Variants in SLC45A3 observed in about 807,000 individuals in gnomAD.
SLC45A3 encodes solute carrier family 45 member 3, also known as prostate cancer associated protein 2.
Under a neutral mutation model 35.3 loss-of-function variants are expected in SLC45A3, and 17 were observed. That is an observed-to-expected ratio of 0.48 (90% CI 0.33 to 0.72). SLC45A3 has a LOEUF of 0.72. Among genes scored for constraint, SLC45A3 ranks in the 30% least tolerant of loss-of-function variants. The pLI is 0.02. For missense variants in SLC45A3, 597 were observed against 731.7 expected (o/e 0.82, Z 2.12); for synonymous variants, 288 against 334.3 (o/e 0.86, Z 1.51).
In SLC45A3 at chr1:205,664,349, T is replaced by C; in HGVS notation, c.172+136A>G. On this transcript the variant is annotated intron_variant, in intron 2 of 4. Transcript: ENST00000367145. The surrounding 1 kb of genome is among the most constrained non-coding windows in gnomAD (Gnocchi z 5.3). Reference sequence around the variant, plus strand: ...CTTGGTGTGCCCCCTCAGCCCAGGGTCACCCTCCTGCCCAGCAATGCCTTC... The same window carrying C: ...CTTGGTGTGCCCCCTCAGCCCAGGGCCACCCTCCTGCCCAGCAATGCCTTC... 8.6e-7 allele frequency: 1 copy of C among 1,169,178 alleles called. No homozygotes were observed. Among genetic ancestry groups the C allele is most frequent in the Admixed American group, 2.2e-5 (1 of 45,720 alleles). The allele number at this position is 1,169,178 out of a possible 1,614,324, so 72.4% of individuals were successfully genotyped here. A position where few individuals can be genotyped will look rare whatever the true frequency, so the allele number is the denominator to read the frequency against.
chr1:205,674,872 C>T (rs537566377), intron 1 of SLC45A3, among the ~76,000 whole-genome samples: 6 of 152,062 alleles, frequency 3.9e-5, no homozygotes, highest in African/African-American at 7.2e-5. Context: ...TGTGTCACCA[C>T]GCCAGGCTAA....
intron 1 of SLC45A3, among the ~76,000 whole-genome samples, chr1:205,677,747 G>A (rs1571545739): frequency 3.3e-5 from 5 of 152,256 alleles, no homozygotes; most frequent in Admixed American, 3.3e-4. Context: ...CCAAATGATC[G>A]ATACAATATA....
chr1:205,666,660 C>T lies in SLC45A3; in HGVS notation c.-230-1774G>A, dbSNP rs1290747258. Among the ~76,000 whole-genome samples, 1 of 152,248 alleles carries T rather than the reference C, an allele frequency of 6.6e-6. No homozygotes were observed. The highest frequency in any genetic ancestry group is 1.5e-5 in the Non-Finnish European group (1 of 68,044). ...CCCCTAAATCCTGCTCAGACTCACCCTTTGGGATGGGGCACACGGCCTCCT... is the reference window on the plus strand; with the variant it reads ...CCCCTAAATCCTGCTCAGACTCACCTTTTGGGATGGGGCACACGGCCTCCT... On this transcript the variant is annotated intron_variant, in intron 1 of 4. Coordinates refer to ENST00000367145, the MANE Select transcript of SLC45A3 (RefSeq NM_033102.3). The surrounding 1 kb of genome is among the most constrained non-coding windows in gnomAD (Gnocchi z 4.1).
In SLC45A3 at chr1:205,662,012, C is replaced by T. The variant is rs746989942; in HGVS notation, c.1073G>A (p.Ser358Asn). 3 of 1,614,082 alleles carry T rather than the reference C, an allele frequency of 1.9e-6. No homozygotes were observed. Among genetic ancestry groups the T allele is most frequent in the East Asian group, 4.5e-5 (2 of 44,898 alleles). ...RFGTRAVYLA[S>N]VAAFPVAAGA... ...GGCAGCCACAGGGAAAGCTGCCACACTGGCCAAATAGACTGCTCGAGTGCC... is the reference window on the plus strand; with the variant it reads ...GGCAGCCACAGGGAAAGCTGCCACATTGGCCAAATAGACTGCTCGAGTGCC... The change falls in exon 4 of 5, where the codon AGT becomes AAT. Residue 358 changes from serine (S) to asparagine (N), a missense_variant. Ser to Asn is a conservative substitution (Grantham distance 46). This residue lies in a region of SLC45A3 where 555 missense variants were observed against 664.9 expected (regional missense o/e 0.83). Transcript: ENST00000367145. The surrounding 1 kb of genome is among the most constrained non-coding windows in gnomAD (Gnocchi z 6.2).
At chr1:205,677,746 C>G (rs1194580601) in intron 1 of SLC45A3, among the ~76,000 whole-genome samples, 1 of 152,014 alleles carries the variant, frequency 6.6e-6, no homozygotes, top group African/African-American at 2.4e-5. Context: ...CCCAAATGAT[C>G]GATACAATAT....
intron 1 of SLC45A3, among the ~76,000 whole-genome samples, chr1:205,676,887 G>A (rs1465568669): frequency 6.6e-6 from 1 of 152,110 alleles, no homozygotes; most frequent in East Asian, 1.9e-4. Flanking sequence ...ACTGGGCCTG[G>A]TACCAGCTGG....
Position 205,659,080 on chromosome 1 carries a change from A to G in SLC45A3, c.*154T>C. 2.7e-6 allele frequency: 2 copies of G among 748,256 alleles called. No individual in the cohort carries two copies. Among genetic ancestry groups the G allele is most frequent in the Non-Finnish European group, 4.3e-6 (2 of 467,734 alleles). 46.4% of individuals were successfully genotyped at this position (748,256 alleles called of 1,614,324 possible). A position where few individuals can be genotyped will look rare whatever the true frequency, so the allele number is the denominator to read the frequency against. On this transcript the variant is annotated 3_prime_UTR_variant, in exon 5 of 5. Transcript: ENST00000367145. This position sits in a 1 kb window ranked among gnomAD's most constrained non-coding sequence, Gnocchi z 5.8. Reference sequence around the variant, plus strand: ...CGCCCCAGCCCCCAGCTGTGCAGCTACGCACCTCAGCAGCACAGGGTGGCA... The same window carrying G: ...CGCCCCAGCCCCCAGCTGTGCAGCTGCGCACCTCAGCAGCACAGGGTGGCA...
At position 205,663,145 on chromosome 1, in the gene SLC45A3, G is replaced by T; in HGVS notation, c.646C>A (p.Leu216Met). The T allele has an allele frequency of 4.3e-6, 7 of 1,612,018 alleles. No individual in the cohort carries two copies. The highest frequency in any genetic ancestry group is 5.9e-6 in the Non-Finnish European group (7 of 1,179,322). Residue 216 changes from leucine (L) to methionine (M), a missense_variant, in exon 3 of 5, where the codon CTG becomes ATG. Around this residue, in one of 3 missense-constraint regions of SLC45A3, gnomAD observed 555 missense variants for 664.9 expected, o/e 0.83. Transcript: ENST00000367145. ...CCCAGCGCTGCCTCCTCAGCCACCA[G>T]CAGTGTGGCTGCTACGCAGGTGAGG... ...IFLTCVAATL[L>M]VAEEAALGPT...
Position 205,659,484 on chromosome 1 carries a change from C to G in SLC45A3, c.1412G>C (p.Arg471Pro), listed in dbSNP as rs765881137. The change falls in exon 5 of 5, where the codon CGT becomes CCT. Residue 471 changes from arginine (R) to proline (P), a missense_variant. By Grantham distance (103) the Arg-to-Pro change is moderately radical. Coordinates refer to ENST00000367145, the MANE Select transcript of SLC45A3 (RefSeq NM_033102.3). The surrounding 1 kb of genome is among the most constrained non-coding windows in gnomAD (Gnocchi z 5.8). ...CGASACDVSV[R>P]VVVGEPTEAR... ...CTCGGTGGGCTCACCCACCACCACACGTACGGAGACATCACAGGCAGAGGC... is the reference window on the plus strand; with the variant it reads ...CTCGGTGGGCTCACCCACCACCACAGGTACGGAGACATCACAGGCAGAGGC... 1 of 1,613,894 alleles carries G rather than the reference C, an allele frequency of 6.2e-7. No homozygotes were observed. The highest frequency in any genetic ancestry group is 1.1e-5 in the South Asian group (1 of 91,062).
intron 1 of SLC45A3, among the ~76,000 whole-genome samples, chr1:205,673,397 G>A (rs1469603950): frequency 6.6e-6 from 1 of 152,186 alleles, no homozygotes; most frequent in African/African-American, 2.4e-5. Flanking sequence ...TACAGCCACT[G>A]AAAAGAGAAG....
In SLC45A3 at chr1:205,662,086, G is replaced by A; in HGVS notation, c.999C>T (p.Ala333=). ...MGSLGLFLQC[A]ISLVFSLVMD... is the part of the protein sequence containing the mutation. ...TGACCAGAGAGAAGACCAGGGAGAT[G>A]GCGCACTGCAGGAACAGCCCCAGGC... Residue 333 remains alanine, a synonymous_variant, in exon 4 of 5, where the codon GCC becomes GCT. Coordinates refer to ENST00000367145, the MANE Select transcript of SLC45A3 (RefSeq NM_033102.3). The surrounding 1 kb of genome is among the most constrained non-coding windows in gnomAD (Gnocchi z 6.2). The A allele has an allele frequency of 6.2e-7, 1 of 1,614,050 alleles. No homozygotes were observed. The highest frequency in any genetic ancestry group is 8.5e-7 in the Non-Finnish European group (1 of 1,180,000).
At position 205,658,426 on chromosome 1, in the gene SLC45A3, G is replaced by T. The variant is rs1325287759; in HGVS notation, c.*808C>A. 4.3e-6 allele frequency: 1 copy of T among 233,068 alleles called. No individual in the cohort carries two copies. The highest frequency in any genetic ancestry group is 6.0e-5 in the East Asian group (1 of 16,600). The allele number at this position is 233,068 out of a possible 1,614,324, so 14.4% of individuals were successfully genotyped here. A position where few individuals can be genotyped will look rare whatever the true frequency, so the allele number is the denominator to read the frequency against. On this transcript the variant is annotated 3_prime_UTR_variant, in exon 5 of 5. Coordinates refer to ENST00000367145, the MANE Select transcript of SLC45A3 (RefSeq NM_033102.3). ...CATTTTGGGGGGCCAGACCCCAGGAGAAGAAGATTCTGGCAATGATCAGCC... is the reference window on the plus strand; with the variant it reads ...CATTTTGGGGGGCCAGACCCCAGGATAAGAAGATTCTGGCAATGATCAGCC...
Position 205,659,058 on chromosome 1 carries a change from C to T in SLC45A3, c.*176G>A. 1.5e-6 allele frequency: 1 copy of T among 665,694 alleles called. No individual in the cohort carries two copies. The highest frequency in any genetic ancestry group is 2.5e-6 in the Non-Finnish European group (1 of 398,064). 41.2% of individuals were successfully genotyped at this position (665,694 alleles called of 1,614,324 possible). ...GACTGGGGAGAGAGGAGAGGGACGC[C>T]CCAGCCCCCAGCTGTGCAGCTACGC... On this transcript the variant is annotated 3_prime_UTR_variant, in exon 5 of 5. Transcript: ENST00000367145. The surrounding 1 kb of genome is among the most constrained non-coding windows in gnomAD (Gnocchi z 5.8).
chr1:205,677,778 T>G (rs1477121061), intron 1 of SLC45A3, among the ~76,000 whole-genome samples: 1 of 152,254 alleles, frequency 6.6e-6, no homozygotes, highest in East Asian at 1.9e-4. Context: ...TAACATTTAT[T>G]GAGCACTTAT....
At chr1:205,678,838 C>A (rs1380272519) in intron 1 of SLC45A3, among the ~76,000 whole-genome samples, 1 of 152,172 alleles carries the variant, frequency 6.6e-6, no homozygotes, top group Non-Finnish European at 1.5e-5. Context: ...TGGGACTGAT[C>A]CAACAGAATG....
chr1:205,659,394 A>T lies in SLC45A3; in HGVS notation c.1502T>A (p.Leu501Gln), dbSNP rs1670977659. Residue 501 changes from leucine to glutamine, a missense_variant, in exon 5 of 5, where the codon CTG becomes CAG. By Grantham distance (113) the Leu-to-Gln change is moderately radical. Transcript: ENST00000367145. This position sits in a 1 kb window ranked among gnomAD's most constrained non-coding sequence, Gnocchi z 5.8. Reference protein sequence around the residue: ...DLAILDSAFLLSQVAPSLFMG... With the variant: ...DLAILDSAFLQSQVAPSLFMG... ...AAACAGGGATGGGGCCACCTGGGAC[A>T]GCAGGAAGGCACTATCCAGGATGGC... The T allele has an allele frequency of 6.2e-7, 1 of 1,614,096 alleles. No individual in the cohort carries two copies. Among genetic ancestry groups the T allele is most frequent in the East Asian group, 2.2e-5 (1 of 44,898 alleles).
intron 1 of SLC45A3, among the ~76,000 whole-genome samples, chr1:205,668,990 C>T (rs1276859255): frequency 6.6e-6 from 1 of 152,190 alleles, no homozygotes; most frequent in African/African-American, 2.4e-5. Context: ...ATACATGCCC[C>T]TATGCATCCC....
intron 1 of SLC45A3, among the ~76,000 whole-genome samples, chr1:205,670,070 C>A (rs1377432980): frequency 6.6e-6 from 1 of 151,920 alleles, no homozygotes; most frequent in Non-Finnish European, 1.5e-5. Context: ...GTCACCTTAC[C>A]TAATGAAACC....
At position 205,662,681 on chromosome 1, in the gene SLC45A3, T is replaced by C. The variant is rs188384710; in HGVS notation, c.958+152A>G. The C allele has an allele frequency of 1.4e-6, 2 of 1,420,986 alleles. No homozygotes were observed. The highest frequency in any genetic ancestry group is 2.5e-5 in the East Asian group (1 of 39,626). The allele number at this position is 1,420,986 out of a possible 1,614,324, so 88.0% of individuals were successfully genotyped here. A position where few individuals can be genotyped will look rare whatever the true frequency, so the allele number is the denominator to read the frequency against. ...CGCAAGCAGAGATGTTCCACACCCATGAGAAGCCGTGTATGCAGATGGGGT... is the reference window on the plus strand; with the variant it reads ...CGCAAGCAGAGATGTTCCACACCCACGAGAAGCCGTGTATGCAGATGGGGT... On this transcript the variant is annotated intron_variant, in intron 3 of 4. Coordinates refer to ENST00000367145, the MANE Select transcript of SLC45A3 (RefSeq NM_033102.3). The surrounding 1 kb of genome is among the most constrained non-coding windows in gnomAD (Gnocchi z 6.2).
Sources: allele counts gnomAD v4.1 joint callset (sites outside exome capture counted in the v4.1 genomes callset), GRCh38; gene constraint gnomAD v4.1.1; regional missense constraint gnomAD v4.1.1; non-coding constraint Gnocchi (gnomAD v3.1); transcripts MANE v1.5; gene names NCBI Gene and HGNC (gene_info 2026-07-23, HGNC 2026-07-21).